Variants in SLC25A12 observed in about 807,000 individuals in gnomAD.
SLC25A12 encodes the protein electrogenic aspartate/glutamate antiporter SLC25A12, mitochondrial.
In SLC25A12, 32 loss-of-function variants were observed where a neutral mutation model predicts 83.3. That is an observed-to-expected ratio of 0.38 (90% confidence interval 0.29 to 0.52). SLC25A12 has a LOEUF of 0.52. SLC25A12 is among the 20% of genes least tolerant of loss of function. SLC25A12 has a pLI of 0.84. For synonymous variants in SLC25A12, 267 were observed against 291.1 expected (o/e 0.92, Z 0.84); for missense variants, 611 against 835.6 (o/e 0.73, Z 3.31).
chr2:171,816,415 A>G (rs1167996802), intron 9 of SLC25A12, among the ~76,000 whole-genome samples: 1 of 152,068 alleles, frequency 6.6e-6, no homozygotes, highest in African/African-American at 2.4e-5. Flanking sequence ...ATGGATGCTC[A>G]TGTCCCTTAT....
At chr2:171,844,114 G>C (rs1684742887) in intron 5 of SLC25A12, among the ~76,000 whole-genome samples, 1 of 152,096 alleles carries the variant, frequency 6.6e-6, no homozygotes, top group Admixed American at 6.5e-5. Flanking sequence ...ATCTTCTATA[G>C]TTAGGATACA....
intron 5 of SLC25A12, among the ~76,000 whole-genome samples, chr2:171,842,730 G>A (rs1218206629): frequency 6.6e-6 from 1 of 152,190 alleles, no homozygotes; most frequent in Non-Finnish European, 1.5e-5. Flanking sequence ...ACTGCTTAAT[G>A]GAACACGGTT....
intron 3 of SLC25A12, among the ~76,000 whole-genome samples, chr2:171,861,223 T>C (rs1685153229): frequency 6.6e-6 from 1 of 151,992 alleles, no homozygotes; most frequent in African/African-American, 2.4e-5. Context: ...TGTTTGAAAA[T>C]TTTCATAATA....
intron 5 of SLC25A12, among the ~76,000 whole-genome samples, chr2:171,840,793 G>T (rs890666406): frequency 6.6e-6 from 1 of 152,078 alleles, no homozygotes; most frequent in Admixed American, 6.6e-5. Flanking sequence ...AAAGCCCAAT[G>T]AATGAAGAGC....
chr2:171,867,864 A>G (rs1685370272), intron 3 of SLC25A12, among the ~76,000 whole-genome samples: 1 of 152,164 alleles, frequency 6.6e-6, no homozygotes, highest in South Asian at 2.1e-4. Flanking sequence ...CATTTTTCTG[A>G]GATGGAGCCT....
chr2:171,798,494 T>A (rs1683644168), intron 13 of SLC25A12, among the ~76,000 whole-genome samples: 1 of 152,202 alleles, frequency 6.6e-6, no homozygotes, highest in South Asian at 2.1e-4. Flanking sequence ...TATAAAGTCT[T>A]CCCTTATCGA....
chr2:171,865,987 C>T (rs1315902588), intron 3 of SLC25A12, among the ~76,000 whole-genome samples: 243 of 143,056 alleles, frequency 1.7e-3, no homozygotes, highest in African/African-American at 5.9e-3. Context: ...GAGGACCCTG[C>T]GGCCTTCCGC....
At chr2:171,884,062 T>G (rs1685758238) in intron 2 of SLC25A12, among the ~76,000 whole-genome samples, 1 of 148,462 alleles carries the variant, frequency 6.7e-6, no homozygotes, top group African/African-American at 2.5e-5. Flanking sequence ...TTTTTTTTTG[T>G]AGAGACAGAA....
At chr2:171,789,421 G>A (rs375705617) in intron 15 of SLC25A12, among the ~76,000 whole-genome samples, 1 of 152,024 alleles carries the variant, frequency 6.6e-6, no homozygotes. Flanking sequence ...GTAGAGACGG[G>A]GTTTCACCGT....
intron 9 of SLC25A12, among the ~76,000 whole-genome samples, chr2:171,819,370 AATATATTATATATAAT>A (rs1454584315): frequency 3.4e-5 from 2 of 59,516 alleles, no homozygotes; most frequent in Admixed American, 2.0e-4. Flanking sequence ...TATTATATAT[AATATATTATATATAAT>A]ATATATTATA....
At chr2:171,892,294 C>T (rs556383155) in intron 2 of SLC25A12, among the ~76,000 whole-genome samples, 130 of 150,864 alleles carry the variant, frequency 8.6e-4, no homozygotes, top group Non-Finnish European at 3.2e-4. Flanking sequence ...GGCACGATCT[C>T]GACTCACTGC....
intron 4 of SLC25A12, chr2:171,845,752 T>A (rs990956270): frequency 2.9e-5 from 13 of 454,178 alleles, no homozygotes; most frequent in Middle Eastern, 3.2e-4. Context: ...ATAATAGCTC[T>A]GAATAGATTG....
chr2:171,888,586 C>T (rs536882120), intron 2 of SLC25A12, among the ~76,000 whole-genome samples: 118 of 151,994 alleles, frequency 7.8e-4, no homozygotes, highest in African/African-American at 2.8e-3. Flanking sequence ...AGATTACAGG[C>T]GTGCGCTACC....
chr2:171,844,018 C>A (rs1218656967), intron 5 of SLC25A12, among the ~76,000 whole-genome samples: 2 of 152,116 alleles, frequency 1.3e-5, no homozygotes, highest in African/African-American at 4.8e-5. Context: ...ATCTCCTGAC[C>A]TCGTGATCTG....
At chr2:171,888,094 CTTTTTTTTTTT>C (rs1194293544) in intron 2 of SLC25A12, among the ~76,000 whole-genome samples, 1 of 137,094 alleles carries the variant, frequency 7.3e-6, no homozygotes, top group South Asian at 2.3e-4. Context: ...TTCTTTTTTC[CTTTTTTTTTTT>C]TTTTTTGGAG....
intron 3 of SLC25A12, among the ~76,000 whole-genome samples, chr2:171,866,151 G>T (rs1262348495): frequency 2.2e-5 from 3 of 136,492 alleles, no homozygotes; most frequent in African/African-American, 5.6e-5. Flanking sequence ...GAGAGCACAG[G>T]GTTGGGGGTA....
intron 3 of SLC25A12, among the ~76,000 whole-genome samples, chr2:171,867,380 C>T (rs184308809): frequency 0.011 from 1,682 of 152,256 alleles, 14 homozygotes; most frequent in South Asian, 0.031. Context: ...TCTGCAATCC[C>T]AGCACCTCGG....
At chr2:171,822,402 G>T (rs1162029279) in intron 9 of SLC25A12, among the ~76,000 whole-genome samples, 1 of 151,928 alleles carries the variant, frequency 6.6e-6, no homozygotes, top group Non-Finnish European at 1.5e-5. Flanking sequence ...TTATTTATTT[G>T]AGACAGGGTC....
Position 171,809,946 on chromosome 2 carries a change from GC to G in SLC25A12, c.1225-261del, listed in dbSNP as rs1683916171. On this transcript the variant is annotated intron_variant, in intron 12 of 17. Coordinates refer to ENST00000422440, the MANE Select transcript of SLC25A12 (RefSeq NM_003705.5). ...AGTGGCATGATCATAGCTCACTACA[GC>G]CTCAAATTCCTGGACTCAAGCAATC... Among the ~76,000 whole-genome samples, 3 of 152,106 alleles carry G rather than the reference GC, an allele frequency of 2.0e-5. No individual in the cohort carries two copies. In the South Asian group the frequency reaches 6.2e-4, roughly 32 times the overall value.
Sources: gnomAD v4.1 joint callset for allele counts (sites outside exome capture counted in the v4.1 genomes callset) on GRCh38, gnomAD v4.1.1 for gene constraint, MANE v1.5 for transcripts, NCBI Gene and HGNC (gene_info 2026-07-23, HGNC 2026-07-21) for gene names.